Variants in TRPM1 observed in about 807,000 individuals in gnomAD.
TRPM1 encodes the protein transient receptor potential cation channel subfamily M member 1, also known as TRPM1-203 APA Isoform, Intron 10.
TRPM1 carries 113 observed loss-of-function variants against 149.4 expected under a neutral mutation model. That is an observed-to-expected ratio of 0.76 (90% CI 0.65 to 0.88). The LOEUF (loss-of-function observed/expected upper bound fraction) is 0.88, where lower values mean the gene tolerates loss of function less well. Ranked by LOEUF, TRPM1 falls within the 40% of genes least tolerant of loss-of-function variation. TRPM1 has a pLI of 0.00. For missense variants in TRPM1, 1,976 were observed against 2,038.7 expected, an observed-to-expected ratio of 0.97 and a Z score of 0.59; for synonymous variants, 741 against 759.5, an observed-to-expected ratio of 0.98 and a Z score of 0.40.
chr15:31,115,000 A>G lies in TRPM1; in HGVS notation c.55-38016T>C, dbSNP rs144233834. Among the ~76,000 whole-genome samples, 259 of 152,376 alleles carry G rather than the reference A, an allele frequency of 1.7e-3. 1 individual carries two copies. The highest frequency in any genetic ancestry group is 6.0e-3 in the African/African-American group (251 of 41,596). ...CTGGGCATTGTGGCTCATGCCTGTA[A>G]TCCCAGCACTTTGGGAGGCCAAGGC... On this transcript the variant is annotated intron_variant, in intron 1 of 26. Coordinates refer to the TRPM1 transcript ENST00000542188.
Position 31,049,372 on chromosome 15 carries a change from C to T in TRPM1, c.1572+3G>A, listed in dbSNP as rs2033873360. ...CTTCCTTCCCTTTTTCTAGAGCACT[C>T]ACTGTGTTATAAAGCTCCTCCAGCC... On this transcript the variant is annotated splice_donor_region_variant and intron_variant, in intron 13 of 27. Coordinates refer to ENST00000256552, the MANE Select transcript of TRPM1 (RefSeq NM_001252024.2). 3.1e-6 allele frequency: 5 copies of T among 1,614,064 alleles called. No individual in the cohort carries two copies. In the South Asian group the frequency reaches 4.4e-5, roughly 14 times the overall value.
At chr15:31,098,707 T>A (rs1212799437) in intron 1 of TRPM1, among the ~76,000 whole-genome samples, 1 of 152,170 alleles carries the variant, frequency 6.6e-6, no homozygotes, top group African/African-American at 2.4e-5. Context: ...CCACCTGCCA[T>A]GAGCGTTACC....
At chr15:31,121,944 AG>A (rs1407289232) in intron 1 of TRPM1, among the ~76,000 whole-genome samples, 1 of 152,236 alleles carries the variant, frequency 6.6e-6, no homozygotes, top group Non-Finnish European at 1.5e-5. Context: ...AAATCAAACT[AG>A]TGTATGAAAT....
chr15:31,130,185 C>T (rs1184777723), intron 1 of TRPM1, among the ~76,000 whole-genome samples: 1 of 152,214 alleles, frequency 6.6e-6, no homozygotes, highest in Non-Finnish European at 1.5e-5. Context: ...AGGACCTGCC[C>T]AGTGTCTTAC....
Position 31,037,713 on chromosome 15 carries a change from T to C in TRPM1, c.2569A>G (p.Thr857Ala), listed in dbSNP as rs2033456271. 3.1e-6 allele frequency: 5 copies of C among 1,614,260 alleles called. No homozygotes were observed. Among genetic ancestry groups the C allele is most frequent in the Admixed American group, 1.7e-5 (1 of 60,034 alleles). Residue 857 changes from threonine to alanine, a missense_variant and splice_region_variant, in exon 20 of 28, where the codon ACA becomes GCA. Thr to Ala is a moderately conservative substitution (Grantham distance 58). Around this residue, in one of 3 missense-constraint regions of TRPM1, gnomAD observed 1,332 missense variants for 1,347.1 expected, o/e 0.99. Coordinates refer to ENST00000256552, the MANE Select transcript of TRPM1 (RefSeq NM_001252024.2). ...AAATGTTCAGGAGGAGGCCTCACTG[T>C]GTAAAACCAGAACTTGACAATGGGC... ...NAPIVKFWFY[T>A]ISYLGYLLLF...
chr15:31,038,031 G>T lies in TRPM1; in HGVS notation c.2439+13C>A, dbSNP rs769082408. The T allele has an allele frequency of 1.9e-6, 3 of 1,613,948 alleles. No individual in the cohort carries two copies. The South Asian group carries it at 3.3e-5, about 18-fold the overall frequency. The stretch of plus-strand genomic sequence containing the variant: ...ATTACACTGATATGCTTAGGGTCAA[G>T]TGTGTCACTGACCGTATTTTCCTCT... On this transcript the variant is annotated intron_variant, in intron 19 of 27. Transcript: ENST00000256552.
chr15:31,017,554 C>T (rs1441934232), intron 27 of TRPM1, among the ~76,000 whole-genome samples: 1 of 152,200 alleles, frequency 6.6e-6, no homozygotes, highest in Non-Finnish European at 1.5e-5. Flanking sequence ...ACATTAACAA[C>T]AGTTGCAGCA....
chr15:31,014,799 T>C (rs1032051457), intron 27 of TRPM1, among the ~76,000 whole-genome samples: 8 of 152,172 alleles, frequency 5.3e-5, no homozygotes, highest in African/African-American at 1.2e-4. Flanking sequence ...CTTTATGGCA[T>C]TACTTTTCCA....
chr15:31,113,946 AGATTGGTCCATTTTACAGAGTGCT>A (rs1183570981), intron 1 of TRPM1, among the ~76,000 whole-genome samples: 369 of 151,134 alleles, frequency 2.4e-3, no homozygotes, highest in Middle Eastern at 6.8e-3. Context: ...CATGTCCTGC[AGATTGGTCCATTTTACAGAGTGCT>A]GATTGGTCCA....
intron 1 of TRPM1, among the ~76,000 whole-genome samples, chr15:31,159,476 A>G (rs2036419033): frequency 6.6e-6 from 1 of 152,168 alleles, no homozygotes; most frequent in Non-Finnish European, 1.5e-5. Context: ...TGCCAAATGC[A>G]GCAGTGCATT....
At chr15:31,013,776 C>T (rs964925) in intron 27 of TRPM1, among the ~76,000 whole-genome samples, 65,778 of 151,894 alleles carry the variant, frequency 0.43, 14,859 homozygotes, top group African/African-American at 0.54. Context: ...TTGTTGTTTG[C>T]TTAGTGATTT....
intron 27 of TRPM1, among the ~76,000 whole-genome samples, chr15:31,004,434 G>C (rs2031904668): frequency 6.6e-6 from 1 of 150,690 alleles, no homozygotes; most frequent in African/African-American, 2.5e-5. Flanking sequence ...CCACCTCCCA[G>C]AGTTTTTTTT....
intron 11 of TRPM1, among the ~76,000 whole-genome samples, chr15:31,050,915 C>T (rs766280345): frequency 1.3e-5 from 2 of 152,106 alleles, no homozygotes; most frequent in Non-Finnish European, 2.9e-5. Flanking sequence ...ACATTTTGAT[C>T]CATGTGTGCT....
chr15:31,036,312 A>C (rs1239537835), intron 20 of TRPM1, among the ~76,000 whole-genome samples: 1 of 152,152 alleles, frequency 6.6e-6, no homozygotes, highest in Non-Finnish European at 1.5e-5. Flanking sequence ...ACCTGTCCCC[A>C]GTGATTCACC....
chr15:31,053,332 C>T (rs972436542), intron 11 of TRPM1, among the ~76,000 whole-genome samples: 3 of 152,116 alleles, frequency 2.0e-5, no homozygotes, highest in African/African-American at 7.2e-5. Context: ...CTCACTGCAA[C>T]CTCCGCCTCC....
At chr15:31,098,892 A>T (rs910594105) in intron 1 of TRPM1, among the ~76,000 whole-genome samples, 7 of 152,142 alleles carry the variant, frequency 4.6e-5, no homozygotes, top group Non-Finnish European at 8.8e-5. Context: ...CAAGGTGCAC[A>T]GCGACAAGGT....
At chr15:31,107,848 A>C (rs2035628817) in intron 1 of TRPM1, among the ~76,000 whole-genome samples, 1 of 150,548 alleles carries the variant, frequency 6.6e-6, no homozygotes, top group South Asian at 2.1e-4. Flanking sequence ...TGAATTTGTA[A>C]ATTTCTTTTC....
chr15:31,078,389 G>GT (rs2034768350), intron 2 of TRPM1, among the ~76,000 whole-genome samples: 1 of 152,176 alleles, frequency 6.6e-6, no homozygotes, highest in African/African-American at 2.4e-5. Context: ...GGACTAGGGC[G>GT]TGCAAGTACC....
At chr15:31,146,753 G>A (rs1008821475) in intron 1 of TRPM1, among the ~76,000 whole-genome samples, 1 of 152,212 alleles carries the variant, frequency 6.6e-6, no homozygotes, top group East Asian at 1.9e-4. Context: ...TTGGGAGGCA[G>A]AGGCAGGCTA....
Sources: gnomAD v4.1 joint callset for allele counts (sites outside exome capture counted in the v4.1 genomes callset) on GRCh38, gnomAD v4.1.1 for gene constraint, gnomAD v4.1.1 regional missense constraint, MANE v1.5 for transcripts, NCBI Gene and HGNC (gene_info 2026-07-23, HGNC 2026-07-21) for gene names.